KIF26B: variants seen among roughly 807,000 people sequenced by gnomAD.
KIF26B encodes kinesin family member 26B.
A neutral mutation model predicts 151.2 loss-of-function variants in KIF26B; 63 were observed. That is an observed-to-expected ratio of 0.42 (90% confidence interval 0.34 to 0.51). The LOEUF (loss-of-function observed/expected upper bound fraction) is 0.51, where lower values mean the gene tolerates loss of function less well. Ranked by LOEUF, KIF26B falls within the 20% of genes least tolerant of loss-of-function variation. KIF26B has a pLI of 0.07. For missense variants in KIF26B, 2,813 were observed against 2,913.6 expected (o/e 0.97, Z 0.79); for synonymous variants, 1,357 against 1,262.1 (o/e 1.08, Z -1.59).
chr1:245,452,776 C>T (rs780594412), intron 4 of KIF26B, among the ~76,000 whole-genome samples: 30 of 152,004 alleles, frequency 2.0e-4, no homozygotes, highest in Non-Finnish European at 1.9e-4. Flanking sequence ...TCAAATCCTT[C>T]GTCCATTATC....
At chr1:245,220,436 AGGGTCCG>A (rs977043916) in intron 2 of KIF26B, among the ~76,000 whole-genome samples, 2 of 72,244 alleles carry the variant, frequency 2.8e-5, no homozygotes, top group African/African-American at 4.5e-5. Flanking sequence ...TCCAGGGTCC[AGGGTCCG>A]GGGTCCAGGG....
chr1:245,673,051 C>G (rs1391640823), intron 10 of KIF26B, among the ~76,000 whole-genome samples: 1 of 150,844 alleles, frequency 6.6e-6, no homozygotes, highest in African/African-American at 2.4e-5. Context: ...GCCCAGTCCC[C>G]ACTGCACGCT....
At position 245,391,672 on chromosome 1, in the gene KIF26B, A is replaced by AAG. The variant is rs1399585473; in HGVS notation, c.999+24313_999+24314dup. Among the ~76,000 whole-genome samples, 236 of 147,460 alleles carry AAG rather than the reference A, an allele frequency of 1.6e-3. 9 individuals are homozygous for AAG. The highest frequency in any genetic ancestry group is 1.9e-3 in the Non-Finnish European group (128 of 66,476). On this transcript the variant is annotated intron_variant, in intron 3 of 14. Coordinates refer to ENST00000407071, the MANE Select transcript of KIF26B (RefSeq NM_018012.4). Reference sequence around the variant, plus strand: ...CCCTGACTCAAAAAAAAAAAAAAAAAAGAGAGAGATTTGTGAAAATGTAAA... The same window carrying AAG: ...CCCTGACTCAAAAAAAAAAAAAAAAAAGAGAGAGAGATTTGTGAAAATGTAAA...
Position 245,306,595 on chromosome 1 carries a change from A to T in KIF26B, c.466-60239A>T, listed in dbSNP as rs551438717. The stretch of plus-strand genomic sequence containing the variant: ...AATGTATCCACTGCCTTCTAGATAC[A>T]GTCTAAACTCTGCAGCTTGGCTTTT... On this transcript the variant is annotated intron_variant, in intron 2 of 14. Coordinates refer to ENST00000407071, the MANE Select transcript of KIF26B (RefSeq NM_018012.4). Among the ~76,000 whole-genome samples, 52 of 152,350 alleles carry T rather than the reference A, an allele frequency of 3.4e-4. No individual in the cohort carries two copies. The East Asian group carries it at 0.01, about 29-fold the overall frequency.
At chr1:245,679,510 C>T (rs2044403926) in intron 10 of KIF26B, among the ~76,000 whole-genome samples, 1 of 137,908 alleles carries the variant, frequency 7.3e-6, no homozygotes, top group East Asian at 2.1e-4. Context: ...GCTCTGTCAC[C>T]CAGGCTGGAG....
intron 9 of KIF26B, among the ~76,000 whole-genome samples, chr1:245,619,123 C>CA (rs2043628508): frequency 1.4e-5 from 2 of 142,092 alleles, no homozygotes; most frequent in African/African-American, 5.4e-5. Flanking sequence ...GCTGTGTCTG[C>CA]TGCGTGCTGT....
chr1:245,443,941 C>G (rs1659184032), intron 4 of KIF26B, among the ~76,000 whole-genome samples: 1 of 136,044 alleles, frequency 7.4e-6, no homozygotes, highest in Non-Finnish European at 1.6e-5. Flanking sequence ...CACTGTTCAC[C>G]TAGAGCGGTC....
At chr1:245,313,287 T>A (rs1204114992) in intron 2 of KIF26B, among the ~76,000 whole-genome samples, 1 of 152,192 alleles carries the variant, frequency 6.6e-6, no homozygotes, top group Non-Finnish European at 1.5e-5. Flanking sequence ...TTATGCAAAG[T>A]CCCCTGTGGG....
chr1:245,254,691 C>T (rs1670503125), intron 2 of KIF26B, among the ~76,000 whole-genome samples: 1 of 152,122 alleles, frequency 6.6e-6, no homozygotes, highest in East Asian at 1.9e-4. Flanking sequence ...GCTATGACAT[C>T]ACATGTAATT....
chr1:245,291,595 C>T (rs1269855986), intron 2 of KIF26B, among the ~76,000 whole-genome samples: 1 of 152,126 alleles, frequency 6.6e-6, no homozygotes, highest in Non-Finnish European at 1.5e-5. Context: ...ATAAACTAGA[C>T]CCCACACCCG....
At position 245,687,863 on chromosome 1, in the gene KIF26B, T is replaced by C. The variant is rs1436456036; in HGVS notation, c.4880T>C (p.Leu1627Pro). Residue 1627 changes from leucine to proline, a missense_variant, in exon 12 of 15, where the codon CTG (leucine) becomes CCG (proline). Physicochemically the swap from Leu to Pro is moderately conservative, Grantham distance 98. Around this residue, in one of 3 missense-constraint regions of KIF26B, gnomAD observed 2,060 missense variants for 2,088.6 expected, o/e 0.99. Coordinates refer to ENST00000407071, the MANE Select transcript of KIF26B (RefSeq NM_018012.4). The surrounding 1 kb of genome is among the most constrained non-coding windows in gnomAD (Gnocchi z 4.9). ...AGCGGCAGCGGCACCAGCAGCCCCCTGAACCAACCAGCCGCCTTCCCGGCG... is the reference window on the plus strand; with the variant it reads ...AGCGGCAGCGGCACCAGCAGCCCCCCGAACCAACCAGCCGCCTTCCCGGCG... ...SASGSGTSSPLNQPAAFPAGL... is the reference protein window; with the variant it reads ...SASGSGTSSPPNQPAAFPAGL... 2 of 1,593,296 alleles carry C rather than the reference T, an allele frequency of 1.3e-6. No homozygotes were observed. Among genetic ancestry groups the C allele is most frequent in the Non-Finnish European group, 1.7e-6 (2 of 1,171,096 alleles).
At chr1:245,246,733 A>C (rs944174236) in intron 2 of KIF26B, among the ~76,000 whole-genome samples, 2 of 152,194 alleles carry the variant, frequency 1.3e-5, no homozygotes, top group Admixed American at 1.3e-4. Flanking sequence ...AGTCATCCTA[A>C]GACAAAAATC....
chr1:245,661,112 G>A (rs1382656331), intron 10 of KIF26B, among the ~76,000 whole-genome samples: 1 of 151,174 alleles, frequency 6.6e-6, no homozygotes, highest in African/African-American at 2.4e-5. Context: ...TCAGCCCCCC[G>A]AGTAGCCGGG....
At chr1:245,463,186 G>A (rs1244802039) in intron 4 of KIF26B, among the ~76,000 whole-genome samples, 3 of 152,156 alleles carry the variant, frequency 2.0e-5, no homozygotes, top group African/African-American at 7.2e-5. Flanking sequence ...GCTCCCGGCC[G>A]CCCTTCAGCC....
chr1:245,547,247 C>T (rs1661765250), intron 5 of KIF26B, among the ~76,000 whole-genome samples: 1 of 152,134 alleles, frequency 6.6e-6, no homozygotes, highest in Admixed American at 6.5e-5. Flanking sequence ...GAATATTCTC[C>T]GTTAGAGGTT....
chr1:245,205,232 T>C (rs1037731169), intron 2 of KIF26B, among the ~76,000 whole-genome samples: 1 of 152,226 alleles, frequency 6.6e-6, no homozygotes, highest in Non-Finnish European at 1.5e-5. Context: ...TACCAGGGTA[T>C]GACATCGTGT....
At chr1:245,233,790 T>TTTTTACACTTCCTTCTGGGTGTTGGTA (rs1246771522) in intron 2 of KIF26B, among the ~76,000 whole-genome samples, 1 of 152,066 alleles carries the variant, frequency 6.6e-6, no homozygotes, top group African/African-American at 2.4e-5. Flanking sequence ...GCTGAGATCA[T>TTTTTACACTTCCTTCTGGGTGTTGGTA]GCATCTGTGG....
intron 2 of KIF26B, among the ~76,000 whole-genome samples, chr1:245,291,719 G>A (rs538640825): frequency 1.3e-5 from 2 of 152,248 alleles, no homozygotes. Flanking sequence ...TAACAGAGGG[G>A]ACCTGCCTTG....
At chr1:245,458,086 G>T (rs1029779783) in intron 4 of KIF26B, among the ~76,000 whole-genome samples, 3 of 152,186 alleles carry the variant, frequency 2.0e-5, no homozygotes, top group Non-Finnish European at 2.9e-5. Context: ...TGTCCTAAGG[G>T]TTTTATATGA....
Sources: gnomAD v4.1 joint callset for allele counts (sites outside exome capture counted in the v4.1 genomes callset) on GRCh38, gnomAD v4.1.1 for gene constraint, gnomAD v4.1.1 regional missense constraint, Gnocchi (gnomAD v3.1) non-coding constraint, MANE v1.5 for transcripts, NCBI Gene and HGNC (gene_info 2026-07-23, HGNC 2026-07-21) for gene names.